Variants in GALNT13 observed in about 807,000 individuals in gnomAD.
GALNT13 encodes the protein UDP-GalNAc:polypeptide N-acetylgalactosaminyltransferase 13.
In GALNT13, 28 loss-of-function variants were observed where a neutral mutation model predicts 64.2. That is an observed-to-expected ratio of 0.44 (90% CI 0.32 to 0.60). The LOEUF is 0.60. GALNT13 is among the 20% of genes least tolerant of loss of function. The pLI, the probability that GALNT13 is intolerant of heterozygous loss-of-function variation, is 0.05. For synonymous variants in GALNT13, 214 were observed against 224.6 expected (o/e 0.95, Z 0.42); for missense variants, 577 against 669.8 (o/e 0.86, Z 1.53).
At chr2:154,266,994 C>G (rs931793739) in intron 8 of GALNT13, among the ~76,000 whole-genome samples, 3 of 151,834 alleles carry the variant, frequency 2.0e-5, no homozygotes, top group Non-Finnish European at 4.4e-5. Context: ...GTGTTATTAA[C>G]ATAAAGACAG....
rs561111473 is a variant in GALNT13, at chr2:153,980,798, A to G, written c.142+36159A>G. Among the ~76,000 whole-genome samples, 4 of 152,258 alleles carry G rather than the reference A, an allele frequency of 2.6e-5. No homozygotes were observed. In the East Asian group the frequency reaches 7.7e-4, roughly 29 times the overall value. Reference sequence around the variant, plus strand: ...TGACATGTGAGTATGAAATAGAGGTAGGCTTCCAAATAATTTAGTCATGCA... The same window carrying G: ...TGACATGTGAGTATGAAATAGAGGTGGGCTTCCAAATAATTTAGTCATGCA... On this transcript the variant is annotated intron_variant, in intron 3 of 12. Coordinates refer to ENST00000392825, the MANE Select transcript of GALNT13 (RefSeq NM_052917.4).
chr2:153,868,251 G>T (rs1335048910), upstream of GALNT13, among the ~76,000 whole-genome samples: 1 of 152,032 alleles, frequency 6.6e-6, no homozygotes, highest in African/African-American at 2.4e-5. Context: ...TTTTGTGCAG[G>T]CTGTCTTTAC....
chr2:154,080,697 C>T (rs1215644117), intron 3 of GALNT13, among the ~76,000 whole-genome samples: 3 of 151,590 alleles, frequency 2.0e-5, no homozygotes, highest in Non-Finnish European at 4.4e-5. Context: ...GTGGAGGCAC[C>T]TGCATATCCA....
the GALNT13 span, among the ~76,000 whole-genome samples, chr2:153,330,511 T>G: frequency 8.3e-4 from 127 of 152,342 alleles, no homozygotes; most frequent in African/African-American, 2.8e-3. Flanking sequence ...CCTAGATATT[T>G]TATTTTTTGT....
the GALNT13 span, among the ~76,000 whole-genome samples, chr2:153,205,757 G>C: frequency 2.1e-4 from 32 of 152,062 alleles, 1 homozygote; most frequent in South Asian, 1.2e-3. Context: ...AATTTGCCCT[G>C]AATGTTGATT....
chr2:153,395,536 T>A, the GALNT13 span, among the ~76,000 whole-genome samples: 1 of 152,110 alleles, frequency 6.6e-6, no homozygotes, highest in African/African-American at 2.4e-5. Context: ...TCTTGTAGCA[T>A]TTTCCTTTTT....
At chr2:154,074,623 A>G (rs534523859) in intron 3 of GALNT13, among the ~76,000 whole-genome samples, 8 of 152,032 alleles carry the variant, frequency 5.3e-5, no homozygotes, top group Admixed American at 6.6e-5. Context: ...AATCTGGTAG[A>G]GATACAACAA....
chr2:154,124,996 C>T (rs542213189), intron 3 of GALNT13, among the ~76,000 whole-genome samples: 4 of 152,204 alleles, frequency 2.6e-5, no homozygotes, highest in East Asian at 3.9e-4. Flanking sequence ...GCCTGGGTTT[C>T]ATTAGAATGT....
intron 2 of GALNT13, among the ~76,000 whole-genome samples, chr2:153,902,770 T>C (rs907399873): frequency 6.6e-6 from 1 of 152,086 alleles, no homozygotes; most frequent in African/African-American, 2.4e-5. Context: ...GTTTTAAATG[T>C]TAATGACTAA....
At chr2:153,564,795 G>T in the GALNT13 span, among the ~76,000 whole-genome samples, 1 of 152,028 alleles carries the variant, frequency 6.6e-6, no homozygotes, top group Non-Finnish European at 1.5e-5. Flanking sequence ...CTCTTCATTA[G>T]GTTACATTGT....
chr2:153,216,275 A>T, the GALNT13 span, among the ~76,000 whole-genome samples: 4 of 152,186 alleles, frequency 2.6e-5, no homozygotes, highest in African/African-American at 9.6e-5. Context: ...AAACATTTCT[A>T]TACAGGTTTT....
At chr2:153,315,336 G>A in the GALNT13 span, among the ~76,000 whole-genome samples, 1 of 152,164 alleles carries the variant, frequency 6.6e-6, no homozygotes, top group Non-Finnish European at 1.5e-5. Context: ...ACTTCTCATT[G>A]TGTTCACACA....
At chr2:154,263,001 A>G (rs1268967044) in intron 8 of GALNT13, among the ~76,000 whole-genome samples, 2 of 152,178 alleles carry the variant, frequency 1.3e-5, no homozygotes, top group African/African-American at 2.4e-5. Flanking sequence ...GTCTTTTATA[A>G]GCAATATCAT....
the GALNT13 span, among the ~76,000 whole-genome samples, chr2:153,829,049 A>G: frequency 5.3e-4 from 81 of 152,278 alleles, no homozygotes; most frequent in South Asian, 1.5e-3. Flanking sequence ...AGACAACCTC[A>G]GCCTGGATTT....
the GALNT13 span, among the ~76,000 whole-genome samples, chr2:153,324,339 G>A: frequency 6.6e-6 from 1 of 152,160 alleles, no homozygotes; most frequent in Non-Finnish European, 1.5e-5. Context: ...TTTGCACACT[G>A]ATTTTGTATC....
chr2:153,831,970 G>C, the GALNT13 span, among the ~76,000 whole-genome samples: 2 of 152,116 alleles, frequency 1.3e-5, no homozygotes, highest in Non-Finnish European at 2.9e-5. Context: ...ATAAATCTTT[G>C]AGCAGGTCAT....
At chr2:154,172,867 G>C (rs1462900752) in intron 4 of GALNT13, among the ~76,000 whole-genome samples, 1 of 151,886 alleles carries the variant, frequency 6.6e-6, no homozygotes, top group East Asian at 1.9e-4. Context: ...TGGATTGGAA[G>C]AATTAATATT....
the GALNT13 span, among the ~76,000 whole-genome samples, chr2:153,414,247 C>T: frequency 4.6e-5 from 7 of 151,928 alleles, no homozygotes; most frequent in Non-Finnish European, 8.8e-5. Flanking sequence ...TAGTGGCGTG[C>T]ATCTGTAATC....
intron 9 of GALNT13, among the ~76,000 whole-genome samples, chr2:154,306,621 G>GGGC (rs1553512835): frequency 1.3e-5 from 2 of 150,136 alleles, no homozygotes; most frequent in African/African-American, 2.4e-5. Flanking sequence ...AATTTGGTGG[G>GGGC]GGGGGGGTCA....
Sources: gnomAD v4.1 joint callset for allele counts (sites outside exome capture counted in the v4.1 genomes callset) on GRCh38, gnomAD v4.1.1 for gene constraint, MANE v1.5 for transcripts, NCBI Gene and HGNC (gene_info 2026-07-23, HGNC 2026-07-21) for gene names.